PITPNM2: variants seen among roughly 807,000 people sequenced by gnomAD.
PITPNM2 encodes the protein membrane-associated phosphatidylinositol transfer protein 2.
In PITPNM2, 35 loss-of-function variants were observed where a neutral mutation model predicts 132.2. The ratio of observed to expected loss-of-function variants is 0.26; its 90% CI spans 0.20 to 0.35. PITPNM2 has a LOEUF of 0.35. PITPNM2 is among the 10% of genes least tolerant of loss of function. PITPNM2 has a pLI of 1.00. For missense variants in PITPNM2, 1,332 were observed against 1,912.0 expected, an observed-to-expected ratio of 0.70 and a Z score of 5.66; for synonymous variants, 738 against 799.2, an observed-to-expected ratio of 0.92 and a Z score of 1.29.
chr12:123,038,000 G>A (rs1463100876), intron 2 of PITPNM2, among the ~76,000 whole-genome samples: 2 of 152,000 alleles, frequency 1.3e-5, no homozygotes, highest in African/African-American at 4.8e-5. Context: ...GAGACAGAGA[G>A]GGAACACACA....
chr12:123,090,865 C>T (rs993450709), intron 2 of PITPNM2: 1 of 152,302 alleles, frequency 6.6e-6, no homozygotes, highest in African/African-American at 2.4e-5. Context: ...TGTAGACCAT[C>T]TCCTTTCAAC....
chr12:123,021,780 CCCT>C, intron 3 of PITPNM2: 12 of 871,882 alleles, frequency 1.4e-5, no homozygotes, highest in Non-Finnish European at 1.7e-5. Context: ...TGGGTACAAA[CCCT>C]CCTCTTTTTC....
chr12:123,099,342 T>C lies in PITPNM2; in HGVS notation c.-96+11043A>G, dbSNP rs1183321924. 6.6e-6 allele frequency among the ~76,000 whole-genome samples: 1 copy of C among 152,184 alleles called. No individual in the cohort carries two copies. Among genetic ancestry groups the C allele is most frequent in the East Asian group, 1.9e-4 (1 of 5,202 alleles). Reference sequence around the variant, plus strand: ...CTGGCTCTCTGAATCTGCCTCCCTATGTTCCTCGGAGAACACCCAGCACAG... The same window carrying C: ...CTGGCTCTCTGAATCTGCCTCCCTACGTTCCTCGGAGAACACCCAGCACAG... On this transcript the variant is annotated intron_variant, in intron 2 of 25. Transcript: ENST00000320201. The surrounding 1 kb of genome is among the most constrained non-coding windows in gnomAD (Gnocchi z 4.2).
rs1205947857 is a variant in PITPNM2 at position 122,989,879 on chromosome 12, C to T, written c.2639G>A (p.Ser880Asn). 3.1e-6 allele frequency: 1 copy of T among 324,570 alleles called. No individual in the cohort carries two copies. Among genetic ancestry groups the T allele is most frequent in the Non-Finnish European group, 5.0e-6 (1 of 198,210 alleles). The allele number at this position is 324,570 out of a possible 1,614,324, so 20.1% of individuals were successfully genotyped here. A position where few individuals can be genotyped will look rare whatever the true frequency, so the allele number is the denominator to read the frequency against. The change falls in exon 18 of 26, where the codon AGC (serine) becomes AAC (asparagine). Residue 880 changes from serine to asparagine, a missense_variant. Around this residue, in one of 6 missense-constraint regions of PITPNM2, gnomAD observed 710 missense variants for 911.5 expected, o/e 0.78. Coordinates refer to ENST00000320201, the MANE Select transcript of PITPNM2 (RefSeq NM_020845.3). ...AGGGTGGGGGCCAGGGGTGGTGGGGCTGGGGGCGGGCAGGGCGAGCAGGGA... is the reference window on the plus strand; with the variant it reads ...AGGGTGGGGGCCAGGGGTGGTGGGGTTGGGGGCGGGCAGGGCGAGCAGGGA... Reference protein sequence around the residue: ...RLSLLALPAPSPTTPGPHPPA... With the variant: ...RLSLLALPAPNPTTPGPHPPA...
At chr12:123,002,555 G>A (rs892949566) in intron 8 of PITPNM2, among the ~76,000 whole-genome samples, 2 of 152,128 alleles carry the variant, frequency 1.3e-5, no homozygotes, top group Admixed American at 6.6e-5. Context: ...TGGAACTACA[G>A]GCATGCGCCA....
chr12:123,035,633 T>A (rs2040241411), intron 2 of PITPNM2, among the ~76,000 whole-genome samples: 1 of 150,034 alleles, frequency 6.7e-6, no homozygotes, highest in Non-Finnish European at 1.5e-5. Context: ...GCCATTGCAC[T>A]CCAGCCTGGG....
chr12:122,994,758 C>T lies in PITPNM2; in HGVS notation c.2233+43G>A. On this transcript the variant is annotated intron_variant, in intron 15 of 25. Coordinates refer to ENST00000320201, the MANE Select transcript of PITPNM2 (RefSeq NM_020845.3). This position sits in a 1 kb window ranked among gnomAD's most constrained non-coding sequence, Gnocchi z 5.4. The stretch of plus-strand genomic sequence containing the variant: ...GTCCACTGAGACCCCCGCCCCCGCA[C>T]CCAGTGCATGTACCCCCCATCCTGC... 1 of 1,579,052 alleles carries T rather than the reference C, an allele frequency of 6.3e-7. No homozygotes were observed. The highest frequency in any genetic ancestry group is 1.2e-5 in the South Asian group (1 of 86,388).
In PITPNM2 at chr12:123,150,992, C is replaced by G. The variant is rs1396778500; in HGVS notation, c.-439G>C. Among the ~76,000 whole-genome samples the G allele has an allele frequency of 1.4e-5, 2 of 145,486 alleles. No homozygotes were observed. The highest frequency in any genetic ancestry group is 3.1e-5 in the Non-Finnish European group (2 of 65,506). ...GGCGGGCGGCTCTCGCTGAGGCGGCCGCGAGCTGAGAAGGAAGCGCCGGGC... is the reference window on the plus strand; with the variant it reads ...GGCGGGCGGCTCTCGCTGAGGCGGCGGCGAGCTGAGAAGGAAGCGCCGGGC... On this transcript the variant is annotated 5_prime_UTR_variant, in exon 1 of 26. Transcript: ENST00000320201. The surrounding 1 kb of genome is among the most constrained non-coding windows in gnomAD (Gnocchi z 6.0).
intron 2 of PITPNM2, among the ~76,000 whole-genome samples, chr12:123,070,964 C>A (rs2041606301): frequency 6.6e-6 from 1 of 152,220 alleles, no homozygotes; most frequent in Non-Finnish European, 1.5e-5. Context: ...GGAAGGAGGC[C>A]AGCAGAGAGA....
In PITPNM2 at chr12:122,997,501, G is replaced by A; in HGVS notation, c.1296C>T (p.Gly432=). The A allele has an allele frequency of 6.2e-7, 1 of 1,613,504 alleles. No individual in the cohort carries two copies. Among genetic ancestry groups the A allele is most frequent in the South Asian group, 1.1e-5 (1 of 91,086 alleles). The change falls in exon 11 of 26, where the codon GGC becomes GGT. Residue 432 remains glycine (G), a synonymous_variant. Transcript: ENST00000320201. ...IHVLLLVLHG[G]TILDTGAGDP... is the part of the protein sequence containing the mutation. Reference sequence around the variant, plus strand: ...CCCCGGCGCCTGTGTCCAGGATGGTGCCTCCGTGCAGCACCAGTAGCAGCA... The same window carrying A: ...CCCCGGCGCCTGTGTCCAGGATGGTACCTCCGTGCAGCACCAGTAGCAGCA...
intron 3 of PITPNM2, among the ~76,000 whole-genome samples, chr12:123,029,358 G>A (rs2039988025): frequency 6.6e-6 from 1 of 152,182 alleles, no homozygotes; most frequent in Non-Finnish European, 1.5e-5. Context: ...GGAGACTGTG[G>A]GTGGATCACC....
At chr12:123,136,111 G>A (rs2043376016) in intron 1 of PITPNM2, among the ~76,000 whole-genome samples, 1 of 151,978 alleles carries the variant, frequency 6.6e-6, no homozygotes, top group Admixed American at 6.6e-5. Flanking sequence ...GAAGATCCTG[G>A]CTAACTTGGT....
chr12:123,100,609 G>A (rs1299400054), intron 2 of PITPNM2, among the ~76,000 whole-genome samples: 1 of 149,982 alleles, frequency 6.7e-6, no homozygotes, highest in African/African-American at 2.5e-5. Context: ...CTGGGCAACA[G>A]AGCAAGACTC....
chr12:122,994,748 C>T lies in PITPNM2; in HGVS notation c.2233+53G>A, dbSNP rs894561414. 8.4e-6 allele frequency: 13 copies of T among 1,539,942 alleles called. No homozygotes were observed. The highest frequency in any genetic ancestry group is 4.6e-5 in the East Asian group (2 of 43,576). ...CATCACAGGGGTCCACTGAGACCCC[C>T]GCCCCCGCACCCAGTGCATGTACCC... On this transcript the variant is annotated intron_variant, in intron 15 of 25. Transcript: ENST00000320201. This position sits in a 1 kb window ranked among gnomAD's most constrained non-coding sequence, Gnocchi z 5.4.
intron 1 of PITPNM2, among the ~76,000 whole-genome samples, chr12:123,123,253 A>G (rs568585531): frequency 5.3e-5 from 8 of 152,348 alleles, no homozygotes; most frequent in African/African-American, 1.4e-4. Flanking sequence ...TGCAGGATTT[A>G]TGTATTGTGA....
chr12:123,067,812 A>G (rs1263395334), intron 2 of PITPNM2, among the ~76,000 whole-genome samples: 1 of 152,018 alleles, frequency 6.6e-6, no homozygotes, highest in Non-Finnish European at 1.5e-5. Context: ...AACAGGACAC[A>G]CTCTGAGCTG....
rs2039700841 is a variant in PITPNM2, at chr12:123,022,304, G to A, written c.79-8262C>T. Among the ~76,000 whole-genome samples, 1 of 152,178 alleles carries A rather than the reference G, an allele frequency of 6.6e-6. No individual in the cohort carries two copies. Among genetic ancestry groups the A allele is most frequent in the African/African-American group, 2.4e-5 (1 of 41,416 alleles). On this transcript the variant is annotated intron_variant, in intron 3 of 25. Coordinates refer to ENST00000320201, the MANE Select transcript of PITPNM2 (RefSeq NM_020845.3). This position sits in a 1 kb window ranked among gnomAD's most constrained non-coding sequence, Gnocchi z 4.9. ...CTGTGCCTCTGATCAGGATGCGGCT[G>A]CGGAGGAAGGCCCTTTTCATAGCTA...
chr12:123,007,329 C>T (rs1472464385), intron 6 of PITPNM2: 2 of 456,304 alleles, frequency 4.4e-6, no homozygotes, highest in East Asian at 1.4e-4. Context: ...GCCAATGGGC[C>T]TTTGGCTAAT....
At chr12:123,115,929 T>C (rs1189195700) in intron 1 of PITPNM2, among the ~76,000 whole-genome samples, 2 of 152,196 alleles carry the variant, frequency 1.3e-5, no homozygotes, top group Non-Finnish European at 2.9e-5. Flanking sequence ...AGTAGGACCT[T>C]GCTTGGGCCA....
Sources: gnomAD v4.1 joint callset for allele counts (sites outside exome capture counted in the v4.1 genomes callset) on GRCh38, gnomAD v4.1.1 for gene constraint, gnomAD v4.1.1 regional missense constraint, Gnocchi (gnomAD v3.1) non-coding constraint, MANE v1.5 for transcripts, NCBI Gene and HGNC (gene_info 2026-07-23, HGNC 2026-07-21) for gene names.